PKNOX2: variants seen among roughly 807,000 people sequenced by gnomAD.
PKNOX2 encodes homeobox protein PKNOX2.
PKNOX2 carries 14 observed loss-of-function variants against 53.1 expected under a neutral mutation model. That is an observed-to-expected ratio of 0.26 (90% CI 0.17 to 0.41). The LOEUF (loss-of-function observed/expected upper bound fraction) is 0.41. Among genes scored for constraint, PKNOX2 ranks in the 10% least tolerant of loss-of-function variants. The pLI, the probability that PKNOX2 is intolerant of heterozygous loss-of-function variation, is 1.00. For missense variants in PKNOX2, 496 were observed against 602.8 expected, an observed-to-expected ratio of 0.82 and a Z score of 1.85; for synonymous variants, 257 against 242.8, an observed-to-expected ratio of 1.06 and a Z score of -0.54.
chr11:125,250,005 C>G (rs1943870483), intron 2 of PKNOX2, among the ~76,000 whole-genome samples: 1 of 125,458 alleles, frequency 8.0e-6, no homozygotes, highest in African/African-American at 3.0e-5. Flanking sequence ...GCAGAGGTTG[C>G]GGTGAGCAGA....
At chr11:125,219,739 A>C (rs142083383) in intron 1 of PKNOX2, among the ~76,000 whole-genome samples, 73 of 152,370 alleles carry the variant, frequency 4.8e-4, no homozygotes, top group African/African-American at 7.2e-4. Context: ...TTAAATGGGC[A>C]AAAAGCCAAA....
intron 3 of PKNOX2, among the ~76,000 whole-genome samples, chr11:125,339,614 C>A (rs1387595617): frequency 6.6e-6 from 1 of 152,206 alleles, no homozygotes; most frequent in Non-Finnish European, 1.5e-5. Flanking sequence ...CCTTCTACCC[C>A]ACTTCACTCC....
rs1181002603 is a variant in PKNOX2, at chr11:125,432,251, T to C, written c.*859T>C. On this transcript the variant is annotated 3_prime_UTR_variant, in exon 13 of 13. Transcript: ENST00000298282. ...AGCTCCTTTAACAACAGGACAATGGTTTTTTACCCTAGATGTTCCCACCTT... is the reference window on the plus strand; with the variant it reads ...AGCTCCTTTAACAACAGGACAATGGCTTTTTACCCTAGATGTTCCCACCTT... The C allele has an allele frequency of 3.6e-5, 3 of 82,692 alleles. No individual in the cohort carries two copies. Among genetic ancestry groups the C allele is most frequent in the African/African-American group, 9.5e-5 (3 of 31,490 alleles). The allele number at this position is 82,692 out of a possible 1,614,324, so 5.1% of individuals were successfully genotyped here.
chr11:125,232,335 C>G (rs1035915604), intron 1 of PKNOX2, among the ~76,000 whole-genome samples: 13 of 152,358 alleles, frequency 8.5e-5, no homozygotes, highest in African/African-American at 2.9e-4. Flanking sequence ...GCCACAACAG[C>G]AGAGATAGCT....
rs192177429 is a variant in PKNOX2 at position 125,306,432 on chromosome 11, T to C, written c.-129-25387T>C. Among the ~76,000 whole-genome samples, 495 of 152,350 alleles carry C rather than the reference T, an allele frequency of 3.2e-3. 3 individuals are homozygous for C. Among genetic ancestry groups the C allele is most frequent in the African/African-American group, 0.011 (477 of 41,574 alleles). ...CCCGCTTCTCCTGGGCTGGCTTTTC[T>C]TTCTGCCTTCCCACTCTGTCCTTTC... On this transcript the variant is annotated intron_variant, in intron 2 of 12. Coordinates refer to ENST00000298282, the MANE Select transcript of PKNOX2 (RefSeq NM_001382323.2).
chr11:125,190,170 C>A, intron 1 of PKNOX2: 1 of 152,286 alleles, frequency 6.6e-6, no homozygotes, highest in Non-Finnish European at 1.5e-5. Flanking sequence ...GTGATTGGCC[C>A]GCCTTGGTTT....
intron 2 of PKNOX2, among the ~76,000 whole-genome samples, chr11:125,270,490 C>G (rs1175986147): frequency 6.6e-6 from 1 of 152,190 alleles, no homozygotes; most frequent in Non-Finnish European, 1.5e-5. Flanking sequence ...TATTGAATAT[C>G]TTCTGTAATT....
At chr11:125,357,986 G>A (rs1408831426) in intron 4 of PKNOX2, among the ~76,000 whole-genome samples, 1 of 152,116 alleles carries the variant, frequency 6.6e-6, no homozygotes, top group Non-Finnish European at 1.5e-5. Context: ...TCCTCTTGGA[G>A]CTTAGAGTCC....
intron 1 of PKNOX2, among the ~76,000 whole-genome samples, chr11:125,179,067 T>C (rs1445981573): frequency 6.6e-6 from 1 of 152,132 alleles, no homozygotes; most frequent in Non-Finnish European, 1.5e-5. Context: ...AACCAACCAG[T>C]GAACCCTGTG....
chr11:125,373,140 G>A lies in PKNOX2; in HGVS notation c.227+5155G>A, dbSNP rs563634887. Among the ~76,000 whole-genome samples the A allele has an allele frequency of 2.0e-5, 3 of 152,246 alleles. No individual in the cohort carries two copies. In the East Asian group the frequency reaches 5.8e-4, roughly 29 times the overall value. ...GTTGGGCAGTGGGAAATAGAATCATGCTCTAGAAATAGACTTGGTGAGAAC... is the reference window on the plus strand; with the variant it reads ...GTTGGGCAGTGGGAAATAGAATCATACTCTAGAAATAGACTTGGTGAGAAC... On this transcript the variant is annotated intron_variant, in intron 5 of 12. Transcript: ENST00000298282.
At chr11:125,234,180 C>T (rs188483525) in intron 1 of PKNOX2, among the ~76,000 whole-genome samples, 15 of 152,292 alleles carry the variant, frequency 9.8e-5, no homozygotes, top group Admixed American at 2.0e-4. Context: ...TTGAGTGCCG[C>T]GACTCTTGCA....
At chr11:125,344,557 T>C (rs1054926397) in intron 3 of PKNOX2, among the ~76,000 whole-genome samples, 2 of 152,194 alleles carry the variant, frequency 1.3e-5, no homozygotes, top group Non-Finnish European at 2.9e-5. Context: ...TGGCTTCTGC[T>C]CTGTCCCCAC....
Position 125,400,171 on chromosome 11 carries a change from G to A in PKNOX2, c.588+2109G>A, listed in dbSNP as rs570959398. Among the ~76,000 whole-genome samples, 74 of 152,288 alleles carry A rather than the reference G, an allele frequency of 4.9e-4. 4 individuals are homozygous for A. In the South Asian group the frequency reaches 0.015, roughly 30 times the overall value. On this transcript the variant is annotated intron_variant, in intron 7 of 12. Coordinates refer to ENST00000298282, the MANE Select transcript of PKNOX2 (RefSeq NM_001382323.2). ...CAGACAATTGCGTGGTGGGTGTGGG[G>A]GAGGGGGTGATGCAAGCGAGGCACT... is the stretch of plus-strand genomic sequence containing the variant.
At chr11:125,221,289 T>A (rs546158663) in intron 1 of PKNOX2, among the ~76,000 whole-genome samples, 25 of 152,264 alleles carry the variant, frequency 1.6e-4, no homozygotes, top group African/African-American at 6.0e-4. Context: ...GGCACCTTGG[T>A]ACTGGTGGCA....
At chr11:125,218,323 T>TGG (rs1158948952) in intron 1 of PKNOX2, among the ~76,000 whole-genome samples, 2 of 145,506 alleles carry the variant, frequency 1.4e-5, no homozygotes, top group Non-Finnish European at 3.0e-5. Flanking sequence ...GTGAGTGGGG[T>TGG]GGGGGCTCGG....
At chr11:125,418,656 C>A (rs902669843) in intron 10 of PKNOX2, among the ~76,000 whole-genome samples, 2 of 151,996 alleles carry the variant, frequency 1.3e-5, no homozygotes, top group Non-Finnish European at 2.9e-5. Context: ...TCTTTGCATG[C>A]CTCGCTACCT....
At chr11:125,406,722 A>G (rs991254082) in intron 7 of PKNOX2, among the ~76,000 whole-genome samples, 4 of 151,968 alleles carry the variant, frequency 2.6e-5, no homozygotes, top group Admixed American at 2.0e-4. Flanking sequence ...CTGGACCTCA[A>G]TCTCTCTTCA....
At chr11:125,223,739 T>G (rs998888722) in intron 1 of PKNOX2, among the ~76,000 whole-genome samples, 5 of 152,194 alleles carry the variant, frequency 3.3e-5, no homozygotes, top group Non-Finnish European at 7.3e-5. Context: ...CTGTCCTCTT[T>G]CCTCCAGTAT....
intron 2 of PKNOX2, among the ~76,000 whole-genome samples, chr11:125,271,879 G>A (rs535695802): frequency 2.0e-5 from 3 of 152,288 alleles, no homozygotes; most frequent in South Asian, 2.1e-4. Flanking sequence ...TACTGATGGG[G>A]AAGCCGCCTT....
Sources: allele counts gnomAD v4.1 joint callset (sites outside exome capture counted in the v4.1 genomes callset), GRCh38; gene constraint gnomAD v4.1.1; transcripts MANE v1.5; gene names NCBI Gene and HGNC (gene_info 2026-07-23, HGNC 2026-07-21).